The following BCAR3 variants were observed in gnomAD, a reference collection of about 807,000 sequenced individuals.
BCAR3 encodes breast cancer anti-estrogen resistance protein 3.
BCAR3 carries 37 observed loss-of-function variants against 80.1 expected under a neutral mutation model. The ratio of observed to expected loss-of-function variants is 0.46; its 90% confidence interval spans 0.36 to 0.61. BCAR3 has a LOEUF of 0.61. BCAR3 is among the 20% of genes least tolerant of loss of function. The pLI is 0.00. For missense variants in BCAR3, 978 were observed against 1,068.2 expected, an observed-to-expected ratio of 0.92 and a Z score of 1.18; for synonymous variants, 389 against 418.9, an observed-to-expected ratio of 0.93 and a Z score of 0.87.
chr1:93,626,862 T>C (rs770421521), intron 3 of BCAR3, among the ~76,000 whole-genome samples: 4 of 152,222 alleles, frequency 2.6e-5, no homozygotes, highest in Admixed American at 6.5e-5. Flanking sequence ...AACTGTGCAA[T>C]TGAATTGTGG....
intron 2 of BCAR3, among the ~76,000 whole-genome samples, chr1:93,661,075 T>C (rs1647629296): frequency 6.6e-6 from 1 of 151,726 alleles, no homozygotes; most frequent in Non-Finnish European, 1.5e-5. Flanking sequence ...GTTTTGCTCT[T>C]GTTGCCCAGG....
Position 93,579,798 on chromosome 1 carries a change from T to C in BCAR3, c.1686+2503A>G, listed in dbSNP as rs1106833. ...TCTATGGAGAACCCACGCAGGTTCA[T>C]ACCAGGCCAGAGTCTCCCTCCTGGC... On this transcript the variant is annotated intron_variant, in intron 7 of 11. Transcript: ENST00000260502. Among the ~76,000 whole-genome samples the C allele has an allele frequency of 9.3e-3, 1,421 of 152,340 alleles. 25 individuals carry two copies. The highest frequency in any genetic ancestry group is 0.011 in the Non-Finnish European group (750 of 68,026).
At chr1:93,648,518 GAATAA>G (rs1428267016) in intron 2 of BCAR3, among the ~76,000 whole-genome samples, 2 of 152,160 alleles carry the variant, frequency 1.3e-5, no homozygotes, top group Non-Finnish European at 2.9e-5. Flanking sequence ...GAAAAAGAAA[GAATAA>G]AATAGAGAAT....
chr1:93,785,158 GA>G (rs2100765626), intron 2 of BCAR3, among the ~76,000 whole-genome samples: 1 of 152,298 alleles, frequency 6.6e-6, no homozygotes, highest in South Asian at 2.1e-4. Flanking sequence ...CCAAATGAGA[GA>G]GAGGATTAAA....
In BCAR3 at chr1:93,586,318, G is replaced by A. The variant is rs144096437; in HGVS notation, c.930-2197C>T. Among the ~76,000 whole-genome samples the A allele has an allele frequency of 0.011, 1,711 of 152,208 alleles. 14 individuals carry two copies. Among genetic ancestry groups the A allele is most frequent in the Non-Finnish European group, 0.015 (1,025 of 68,024 alleles). On this transcript the variant is annotated intron_variant, in intron 5 of 11. Transcript: ENST00000260502. The surrounding 1 kb of genome is among the most constrained non-coding windows in gnomAD (Gnocchi z 4.2). Reference sequence around the variant, plus strand: ...TAAGTGAGAACATTTGTCTTTCTGTGTCTGGCTTATTTCACTTAACATAAT... The same window carrying A: ...TAAGTGAGAACATTTGTCTTTCTGTATCTGGCTTATTTCACTTAACATAAT...
chr1:93,571,652 A>C lies in BCAR3; in HGVS notation c.1974+18T>G, dbSNP rs1673222332. 1 of 1,613,530 alleles carries C rather than the reference A, an allele frequency of 6.2e-7. No homozygotes were observed. The highest frequency in any genetic ancestry group is 1.3e-5 in the African/African-American group (1 of 74,912). ...CTTTACAGAACATTAAGTACACATA[A>C]AGTAATTGGAAATTTACCTGTGGCA... On this transcript the variant is annotated intron_variant, in intron 9 of 11. Coordinates refer to ENST00000260502, the MANE Select transcript of BCAR3 (RefSeq NM_003567.4).
At chr1:93,567,126 AG>A (rs1418493563) in intron 11 of BCAR3, among the ~76,000 whole-genome samples, 152 bp downstream of exon 11, 1 of 152,230 alleles carries the variant, frequency 6.6e-6, no homozygotes. Flanking sequence ...TGGAATTAAG[AG>A]GAAGTAATAA....
intron 3 of BCAR3, among the ~76,000 whole-genome samples, chr1:93,691,127 TAGC>T (rs1649171572): frequency 6.6e-6 from 1 of 152,152 alleles, no homozygotes; most frequent in Non-Finnish European, 1.5e-5. Context: ...GCAAATTACA[TAGC>T]AGAGCCAGGA....
intron 2 of BCAR3, among the ~76,000 whole-genome samples, chr1:93,668,057 T>G (rs913934057): frequency 2.0e-5 from 3 of 152,092 alleles, no homozygotes; most frequent in Non-Finnish European, 4.4e-5. Flanking sequence ...CCCAGAAGAC[T>G]AAAATACCTC....
chr1:93,783,740 G>A (rs1166699896), intron 2 of BCAR3, among the ~76,000 whole-genome samples: 5 of 152,150 alleles, frequency 3.3e-5, no homozygotes, highest in African/African-American at 1.2e-4. Flanking sequence ...ATACATATGC[G>A]TTGTGGTAGA....
At chr1:93,784,773 A>G (rs1472520354) in intron 2 of BCAR3, among the ~76,000 whole-genome samples, 1 of 152,180 alleles carries the variant, frequency 6.6e-6, no homozygotes, top group African/African-American at 2.4e-5. Context: ...GAATATTGAG[A>G]ATTGGTTCTG....
chr1:93,662,298 G>T (rs551279577), intron 2 of BCAR3, among the ~76,000 whole-genome samples: 1 of 152,316 alleles, frequency 6.6e-6, no homozygotes, highest in East Asian at 1.9e-4. Context: ...TGAGGCTGCA[G>T]TTCTCCAGAT....
At chr1:93,571,957 T>A (rs547929969) in intron 8 of BCAR3, 116 bp from the exon 9 acceptor site, 9 of 1,248,836 alleles carry the variant, frequency 7.2e-6, no homozygotes, top group Non-Finnish European at 1.0e-5. Flanking sequence ...TGCTCTAAAA[T>A]GTGCCGGCAG....
intron 2 of BCAR3, among the ~76,000 whole-genome samples, chr1:93,815,035 C>T (rs759370546): frequency 2.6e-5 from 4 of 152,186 alleles, no homozygotes; most frequent in Non-Finnish European, 5.9e-5. Flanking sequence ...CCAGGCACTG[C>T]GTTAGGGCTA....
At chr1:93,645,484 T>G (rs1449856072) in intron 2 of BCAR3, among the ~76,000 whole-genome samples, 1 of 151,984 alleles carries the variant, frequency 6.6e-6, no homozygotes, top group East Asian at 1.9e-4. Flanking sequence ...TAAATTCTCT[T>G]TTTCTGTCTT....
intron 3 of BCAR3, among the ~76,000 whole-genome samples, chr1:93,692,079 G>C (rs550417536): frequency 2.2e-4 from 33 of 152,304 alleles, no homozygotes; most frequent in Admixed American, 1.9e-3. Context: ...AGACAATCTA[G>C]GGTTGGCCAG....
chr1:93,847,834 C>T, upstream of BCAR3: 1 of 166,502 alleles, frequency 6.0e-6, no homozygotes, highest in Non-Finnish European at 1.3e-5. Context: ...CTCAGCTCCC[C>T]GGGCCTCGGT....
At chr1:93,727,597 G>A (rs1047788275) in intron 2 of BCAR3, among the ~76,000 whole-genome samples, 13 of 152,148 alleles carry the variant, frequency 8.5e-5, no homozygotes, top group African/African-American at 2.9e-4. Context: ...TTTTAATCCA[G>A]ACTGCACACT....
intron 2 of BCAR3, among the ~76,000 whole-genome samples, chr1:93,840,955 G>GAC (rs1654937783): frequency 6.6e-6 from 1 of 152,166 alleles, no homozygotes; most frequent in South Asian, 2.1e-4. Context: ...AGGAAAAGAA[G>GAC]ACGTGCTCCC....
Sources: allele counts gnomAD v4.1 joint callset (sites outside exome capture counted in the v4.1 genomes callset), GRCh38; gene constraint gnomAD v4.1.1; non-coding constraint Gnocchi (gnomAD v3.1); transcripts MANE v1.5; gene names NCBI Gene and HGNC (gene_info 2026-07-23, HGNC 2026-07-21).